Variants in CNOT6L observed in about 807,000 individuals in gnomAD.
CNOT6L encodes CCR4-NOT transcription complex subunit 6 like, also known as CCR4-NOT transcription complex subunit 6-like.
CNOT6L carries 7 observed loss-of-function variants against 64.0 expected under a neutral mutation model. The observed-to-expected ratio is 0.11, with a 90% CI of 0.06 to 0.21. The LOEUF is 0.21. Among genes scored for constraint, CNOT6L ranks in the 10% least tolerant of loss-of-function variants. The pLI is 1.00. For missense variants in CNOT6L, 245 were observed against 669.0 expected (o/e 0.37, Z 6.99); for synonymous variants, 193 against 243.4 (o/e 0.79, Z 1.93).
chr4:77,815,249 T>C (rs1054191019), intron 1 of CNOT6L, among the ~76,000 whole-genome samples: 9 of 152,100 alleles, frequency 5.9e-5, no homozygotes, highest in African/African-American at 1.9e-4. Context: ...CAAAGAGAAA[T>C]AACTCAAACT....
intron 1 of CNOT6L, among the ~76,000 whole-genome samples, chr4:77,799,156 A>G (rs991713425): frequency 6.6e-6 from 1 of 151,944 alleles, no homozygotes; most frequent in African/African-American, 2.4e-5. Context: ...GGCCAGGCAC[A>G]GTGGCTCATG....
Position 77,715,099 on chromosome 4 carries a change from T to C in CNOT6L, c.*5332A>G, listed in dbSNP as rs947554312. 1 of 152,106 alleles carries C rather than the reference T, an allele frequency of 6.6e-6. No individual in the cohort carries two copies. Among genetic ancestry groups the C allele is most frequent in the African/African-American group, 2.4e-5 (1 of 41,440 alleles). 9.4% of individuals were successfully genotyped at this position (152,106 alleles called of 1,614,324 possible). On this transcript the variant is annotated 3_prime_UTR_variant, in exon 12 of 12. Coordinates refer to ENST00000504123, the MANE Select transcript of CNOT6L (RefSeq NM_144571.3). ...AGAGGGTTACCATGATTCTTACGCT[T>C]TAGAGTTAAAAGTGACAGACATACA...
intron 5 of CNOT6L, among the ~76,000 whole-genome samples, chr4:77,752,018 A>T (rs955731721): frequency 1.3e-5 from 2 of 150,880 alleles, no homozygotes; most frequent in Non-Finnish European, 2.9e-5. Flanking sequence ...CAAAAATATT[A>T]AAAAATTAGC....
At chr4:77,804,469 A>G (rs1383145185) in intron 1 of CNOT6L, among the ~76,000 whole-genome samples, 1 of 152,148 alleles carries the variant, frequency 6.6e-6, no homozygotes, top group Non-Finnish European at 1.5e-5. Flanking sequence ...TATATGCTAC[A>G]ACATGAATCT....
chr4:77,798,503 G>A (rs990347962), intron 1 of CNOT6L, among the ~76,000 whole-genome samples: 2 of 152,046 alleles, frequency 1.3e-5, no homozygotes, highest in Admixed American at 6.6e-5. Context: ...TGGTAAAAAA[G>A]TACATAAGAT....
chr4:77,807,326 G>C (rs947895570), intron 1 of CNOT6L, among the ~76,000 whole-genome samples: 2 of 149,018 alleles, frequency 1.3e-5, no homozygotes, highest in Non-Finnish European at 1.5e-5. Context: ...GAGAGGATCT[G>C]TTGAGCTCAG....
At chr4:77,791,847 T>C (rs1051145459) in intron 1 of CNOT6L, among the ~76,000 whole-genome samples, 9 of 152,164 alleles carry the variant, frequency 5.9e-5, no homozygotes, top group African/African-American at 2.2e-4. Flanking sequence ...AAGGAAACAC[T>C]GCATGTTCTT....
At chr4:77,796,873 G>T (rs954420993) in intron 1 of CNOT6L, among the ~76,000 whole-genome samples, 5 of 151,982 alleles carry the variant, frequency 3.3e-5, no homozygotes, top group African/African-American at 1.2e-4. Flanking sequence ...CTGACCTCAG[G>T]AGTTCGAGAC....
chr4:77,736,695 TCTTAAA>T (rs1189857491), intron 8 of CNOT6L, among the ~76,000 whole-genome samples: 19 of 152,148 alleles, frequency 1.2e-4, no homozygotes, highest in Admixed American at 2.6e-4. Flanking sequence ...ATACGGAAAA[TCTTAAA>T]CTTGTCTCTT....
rs1194017665 is a variant in CNOT6L at position 77,717,427 on chromosome 4, T to C, written c.*3004A>G. 6.6e-6 allele frequency: 1 copy of C among 152,446 alleles called. No homozygotes were observed. The highest frequency in any genetic ancestry group is 1.5e-5 in the Non-Finnish European group (1 of 67,994). 9.4% of individuals were successfully genotyped at this position (152,446 alleles called of 1,614,324 possible). ...AAGAACATTCCGGTTCTTAGACAAA[T>C]ATCGAAATAATATTTAACAGTTTTA... is the stretch of plus-strand genomic sequence containing the variant. On this transcript the variant is annotated 3_prime_UTR_variant, in exon 12 of 12. Transcript: ENST00000504123.
chr4:77,778,657 G>A (rs1211750544), intron 1 of CNOT6L, among the ~76,000 whole-genome samples: 3 of 151,884 alleles, frequency 2.0e-5, no homozygotes, highest in Admixed American at 6.5e-5. Flanking sequence ...CGCCCGCCTT[G>A]GCCTCCCAAA....
chr4:77,738,913 ATCAC>A (rs1053895524), intron 8 of CNOT6L, among the ~76,000 whole-genome samples: 6 of 152,216 alleles, frequency 3.9e-5, no homozygotes, highest in African/African-American at 1.4e-4. Context: ...CTGGTATTTT[ATCAC>A]TCAAAGTTCT....
At chr4:77,744,247 T>C (rs1347377375) in intron 7 of CNOT6L, among the ~76,000 whole-genome samples, 1 of 152,084 alleles carries the variant, frequency 6.6e-6, no homozygotes, top group Non-Finnish European at 1.5e-5. Context: ...GAATCTAAAT[T>C]TCAGAGATGG....
chr4:77,744,683 T>C (rs1303900311), intron 7 of CNOT6L, 35 bp downstream of exon 7: 9 of 1,550,280 alleles, frequency 5.8e-6, no homozygotes, highest in African/African-American at 1.4e-5. Flanking sequence ...AGTTCACCTT[T>C]TAAGTTAAAG....
intron 1 of CNOT6L, chr4:77,819,019 A>G: frequency 1.6e-6 from 1 of 644,890 alleles, no homozygotes; most frequent in South Asian, 1.6e-5. Context: ...GGGACACGCC[A>G]CTCTGGGGTC....
chr4:77,751,859 C>T (rs1724899043), intron 5 of CNOT6L, among the ~76,000 whole-genome samples: 1 of 152,124 alleles, frequency 6.6e-6, no homozygotes, highest in African/African-American at 2.4e-5. Context: ...CCATTGCTAG[C>T]AGACCTGCCC....
intron 11 of CNOT6L, 22 bp downstream of exon 11, chr4:77,726,145 C>G: frequency 6.2e-7 from 1 of 1,604,626 alleles, no homozygotes; most frequent in Non-Finnish European, 8.5e-7. Context: ...ATTTCTACAC[C>G]TGCCCAAAGG....
chr4:77,743,586 C>CTTTTTTTTTTTTTGTTTTTTTTTTTTT (rs1723840149), intron 7 of CNOT6L, among the ~76,000 whole-genome samples: 1 of 70,872 alleles, frequency 1.4e-5, no homozygotes, highest in African/African-American at 6.8e-5. Flanking sequence ...TAACACACAA[C>CTTTTTTTTTTTTTGTTTTTTTTTTTTT]TTTTTTTTTT....
At chr4:77,771,326 A>G (rs936914185) in intron 4 of CNOT6L, among the ~76,000 whole-genome samples, 53 of 152,158 alleles carry the variant, frequency 3.5e-4, no homozygotes, top group African/African-American at 8.7e-4. Context: ...GTGAAACTCC[A>G]TCTCAAAAAA....
Sources: allele counts gnomAD v4.1 joint callset (sites outside exome capture counted in the v4.1 genomes callset), GRCh38; gene constraint gnomAD v4.1.1; transcripts MANE v1.5; gene names NCBI Gene and HGNC (gene_info 2026-07-23, HGNC 2026-07-21).